RARB: variants seen among roughly 807,000 people sequenced by gnomAD.
RARB encodes HBV-activated protein.
A neutral mutation model predicts 51.9 loss-of-function variants in RARB; 17 were observed. The observed-to-expected ratio is 0.33, with a 90% CI of 0.22 to 0.49. RARB has a LOEUF of 0.49. RARB is among the 20% of genes least tolerant of loss of function. The pLI, the probability that RARB is intolerant of heterozygous loss-of-function variation, is 0.99. For synonymous variants in RARB, 215 were observed against 195.4 expected (o/e 1.10, Z -0.84); for missense variants, 369 against 550.8 (o/e 0.67, Z 3.30).
intron 2 of RARB, among the ~76,000 whole-genome samples, chr3:25,489,887 G>A (rs892117606): frequency 2.0e-5 from 3 of 152,352 alleles, no homozygotes; most frequent in Middle Eastern, 3.4e-3. Context: ...ATCTCAGTGT[G>A]TAGAGGTCGA....
intron 3 of RARB, among the ~76,000 whole-genome samples, chr3:25,513,176 A>G (rs1407078542): frequency 6.6e-6 from 1 of 151,004 alleles, no homozygotes; most frequent in Admixed American, 6.6e-5. Flanking sequence ...AATCCCAGCT[A>G]CTCAGGAGGC....
chr3:25,118,214 C>G (rs948958079), intron 3 of RARB, among the ~76,000 whole-genome samples: 3 of 152,152 alleles, frequency 2.0e-5, no homozygotes, highest in African/African-American at 7.2e-5. Flanking sequence ...CCCTCATCAG[C>G]TCTTTCCTAT....
intron 1 of RARB, among the ~76,000 whole-genome samples, chr3:25,443,890 C>A (rs1708815608): frequency 6.6e-6 from 1 of 151,998 alleles, no homozygotes; most frequent in Non-Finnish European, 1.5e-5. Context: ...GAGATAGCAC[C>A]ACTGCACTCC....
intron 2 of RARB, among the ~76,000 whole-genome samples, chr3:24,909,811 T>A (rs1243128016): frequency 5.9e-5 from 9 of 152,150 alleles, no homozygotes; most frequent in Admixed American, 5.2e-4. Flanking sequence ...CTCTTATTTT[T>A]GATGTCTGAT....
chr3:25,509,689 T>C (rs150584395), intron 3 of RARB, among the ~76,000 whole-genome samples: 1 of 152,244 alleles, frequency 6.6e-6, no homozygotes, highest in Non-Finnish European at 1.5e-5. Context: ...CCCAACTCCA[T>C]GGAGAAAACT....
intron 7 of RARB, among the ~76,000 whole-genome samples, chr3:25,595,328 T>A (rs1379619092): frequency 6.6e-6 from 1 of 152,240 alleles, no homozygotes; most frequent in African/African-American, 2.4e-5. Flanking sequence ...TCAGACTACT[T>A]ACTCTGTCTC....
chr3:25,430,988 CTTT>C (rs11360533), intron 1 of RARB, among the ~76,000 whole-genome samples: 3 of 105,202 alleles, frequency 2.9e-5, no homozygotes, highest in Non-Finnish European at 5.8e-5. Context: ...AAAACTAAAA[CTTT>C]TTTTTTTTTT....
At chr3:25,389,895 A>G (rs755567690) in intron 5 of RARB, among the ~76,000 whole-genome samples, 1 of 152,202 alleles carries the variant, frequency 6.6e-6, no homozygotes, top group South Asian at 2.1e-4. Flanking sequence ...AGTCTTGAAC[A>G]AAAGTCAACC....
chr3:25,498,076 T>C (rs530325259), intron 2 of RARB, among the ~76,000 whole-genome samples: 143 of 152,322 alleles, frequency 9.4e-4, no homozygotes, highest in African/African-American at 3.1e-3. Context: ...AAATGACATC[T>C]GATTATTGTA....
intron 1 of RARB, among the ~76,000 whole-genome samples, chr3:24,835,908 T>G (rs1702339570): frequency 6.6e-6 from 1 of 152,158 alleles, no homozygotes; most frequent in Non-Finnish European, 1.5e-5. Flanking sequence ...GAAAGCATGA[T>G]AGAGGCAATT....
intron 5 of RARB, among the ~76,000 whole-genome samples, chr3:25,326,450 TG>T (rs1704719321): frequency 6.6e-6 from 1 of 152,242 alleles, no homozygotes; most frequent in Admixed American, 6.5e-5. Context: ...TTAAGACAAT[TG>T]TCTAATTTAG....
intron 5 of RARB, among the ~76,000 whole-genome samples, chr3:25,409,572 T>C (rs554576678): frequency 7.9e-5 from 12 of 152,304 alleles, no homozygotes; most frequent in African/African-American, 2.9e-4. Flanking sequence ...CCTTTTAATA[T>C]AGGCCAATAA....
At chr3:25,208,882 T>C (rs1202565804) in intron 5 of RARB, among the ~76,000 whole-genome samples, 2 of 152,010 alleles carry the variant, frequency 1.3e-5, no homozygotes, top group African/African-American at 4.8e-5. Flanking sequence ...ATCTTTAGAG[T>C]TCATCAAAAG....
At chr3:25,233,749 G>T (rs929885000) in intron 5 of RARB, among the ~76,000 whole-genome samples, 1 of 149,460 alleles carries the variant, frequency 6.7e-6, no homozygotes. Context: ...TTTGCCAGGC[G>T]TTTTTGTTTG....
At chr3:25,305,425 T>A (rs946748548) in intron 5 of RARB, among the ~76,000 whole-genome samples, 5 of 152,176 alleles carry the variant, frequency 3.3e-5, no homozygotes, top group African/African-American at 4.8e-5. Flanking sequence ...TATAGTGATA[T>A]ACCACCCAAA....
intron 5 of RARB, among the ~76,000 whole-genome samples, chr3:25,405,557 G>A (rs931807194): frequency 6.6e-6 from 1 of 152,152 alleles, no homozygotes; most frequent in African/African-American, 2.4e-5. Context: ...ACCATTCAAG[G>A]CAATGTGGAG....
At chr3:24,951,851 G>C (rs1375821366) in intron 2 of RARB, among the ~76,000 whole-genome samples, 1 of 152,220 alleles carries the variant, frequency 6.6e-6, no homozygotes, top group Non-Finnish European at 1.5e-5. Flanking sequence ...GGTAACACCA[G>C]TAGGGATTTG....
At chr3:25,056,691 T>G (rs894355232) in intron 2 of RARB, among the ~76,000 whole-genome samples, 16 of 152,272 alleles carry the variant, frequency 1.1e-4, no homozygotes, top group Admixed American at 9.8e-4. Flanking sequence ...TATCATATGA[T>G]ATACATACCT....
rs531733043 is a variant in RARB at position 24,895,497 on chromosome 3, G to C, written c.-380+36745G>C. Among the ~76,000 whole-genome samples, 4 of 152,148 alleles carry C rather than the reference G, an allele frequency of 2.6e-5. No individual in the cohort carries two copies. The South Asian group carries it at 8.3e-4, about 32-fold the overall frequency. ...CATTGAACAACTGTTCTAGATTAAA[G>C]CTTATTTATCAAGGTGTAGTTGTTT... On this transcript the variant is annotated intron_variant, in intron 2 of 11. Transcript: ENST00000383772.
Sources: gnomAD v4.1 joint callset for allele counts (sites outside exome capture counted in the v4.1 genomes callset) on GRCh38, gnomAD v4.1.1 for gene constraint, MANE v1.5 for transcripts, NCBI Gene and HGNC (gene_info 2026-07-23, HGNC 2026-07-21) for gene names.